NELL1: variants seen among roughly 807,000 people sequenced by gnomAD.
NELL1 encodes the protein protein kinase C-binding protein NELL1.
Under a neutral mutation model 107.4 loss-of-function variants are expected in NELL1, and 76 were observed. The observed-to-expected ratio is 0.71, with a 90% CI of 0.59 to 0.86. NELL1 has a LOEUF of 0.86. Ranked by LOEUF, NELL1 falls within the 40% of genes least tolerant of loss-of-function variation. NELL1 has a pLI of 0.00. For missense variants in NELL1, 1,024 were observed against 1,005.5 expected (o/e 1.02, Z -0.25); for synonymous variants, 353 against 341.2 (o/e 1.03, Z -0.38).
intron 14 of NELL1, among the ~76,000 whole-genome samples, chr11:21,342,636 T>G (rs1156918447): frequency 8.4e-6 from 1 of 118,914 alleles, no homozygotes; most frequent in African/African-American, 3.2e-5. Flanking sequence ...AGAGAGAGAC[T>G]GTCTTTAAAA....
chr11:21,388,769 G>A (rs982662641), intron 15 of NELL1, among the ~76,000 whole-genome samples: 1 of 151,764 alleles, frequency 6.6e-6, no homozygotes, highest in Admixed American at 6.6e-5. Context: ...ACATGTTAAG[G>A]TATGGTGTAA....
chr11:21,289,166 A>C (rs1368895940), intron 14 of NELL1, among the ~76,000 whole-genome samples: 3 of 152,190 alleles, frequency 2.0e-5, no homozygotes, highest in Non-Finnish European at 2.9e-5. Flanking sequence ...TATTGATGTG[A>C]CCATTTTTGG....
intron 14 of NELL1, among the ~76,000 whole-genome samples, chr11:21,361,259 ATTTTTTTTTT>A (rs59239329): frequency 1.8e-5 from 2 of 113,576 alleles, no homozygotes; most frequent in Non-Finnish European, 3.5e-5. Flanking sequence ...TTGTGTGACA[ATTTTTTTTTT>A]TTTTTTTTTT....
At chr11:20,937,684 A>G (rs1850755262) in intron 9 of NELL1, 102 bp from the exon 10 acceptor site, 4 of 808,422 alleles carry the variant, frequency 4.9e-6, no homozygotes, top group Non-Finnish European at 2.1e-6. Context: ...TCAGAAGCAG[A>G]GAATCTAGGT....
chr11:21,066,255 T>C (rs1025056016), intron 12 of NELL1, among the ~76,000 whole-genome samples: 4 of 152,202 alleles, frequency 2.6e-5, no homozygotes, highest in African/African-American at 9.6e-5. Context: ...TTTTCATTGC[T>C]GTGATAGAAA....
chr11:20,756,133 G>A (rs1210101808), intron 2 of NELL1, among the ~76,000 whole-genome samples: 1 of 151,734 alleles, frequency 6.6e-6, no homozygotes, highest in African/African-American at 2.4e-5. Context: ...GCCTGCCTCG[G>A]CCCCCCAAAG....
At chr11:21,343,511 T>A (rs1850621064) in intron 14 of NELL1, among the ~76,000 whole-genome samples, 1 of 152,154 alleles carries the variant, frequency 6.6e-6, no homozygotes, top group Non-Finnish European at 1.5e-5. Flanking sequence ...GATCTGATTA[T>A]CAGGAATTTA....
chr11:21,319,494 TTATA>T (rs143740709), intron 14 of NELL1, among the ~76,000 whole-genome samples: 21 of 135,580 alleles, frequency 1.5e-4, no homozygotes, highest in Non-Finnish European at 1.9e-4. Context: ...CCAGCTAAAT[TTATA>T]TATATATATA....
intron 13 of NELL1, among the ~76,000 whole-genome samples, chr11:21,217,497 C>G (rs980313325): frequency 3.9e-5 from 6 of 152,082 alleles, no homozygotes; most frequent in African/African-American, 1.4e-4. Flanking sequence ...CTGTGGCCAA[C>G]ATTGTAGCAA....
At chr11:21,315,861 TTGGTGGTGGTGGTGG>T (rs148401464) in intron 14 of NELL1, among the ~76,000 whole-genome samples, 13 of 150,886 alleles carry the variant, frequency 8.6e-5, no homozygotes. Context: ...TTTGAATGTG[TTGGTGGTGGTGGTGG>T]TGGTGGTGGT....
chr11:21,368,354 GGT>G (rs1491246074), intron 14 of NELL1, among the ~76,000 whole-genome samples: 1,607 of 49,822 alleles, frequency 0.032, 34 homozygotes, highest in African/African-American at 0.12. Flanking sequence ...TTTAGGCATT[GGT>G]TTTTTTTTTT....
chr11:21,451,235 A>AAAT (rs930468052), intron 15 of NELL1, among the ~76,000 whole-genome samples: 27 of 152,056 alleles, frequency 1.8e-4, no homozygotes, highest in African/African-American at 5.5e-4. Context: ...AAGAAAAAAG[A>AAAT]AATTGAGAGG....
intron 7 of NELL1, among the ~76,000 whole-genome samples, chr11:20,925,547 A>G (rs1410344110): frequency 6.6e-6 from 1 of 151,376 alleles, no homozygotes; most frequent in Non-Finnish European, 1.5e-5. Context: ...TGGCCTCCCA[A>G]AGTGCTGGGA....
intron 15 of NELL1, among the ~76,000 whole-genome samples, chr11:21,467,914 A>G (rs1854072886): frequency 6.6e-6 from 1 of 151,998 alleles, no homozygotes; most frequent in Non-Finnish European, 1.5e-5. Flanking sequence ...ATTTTTCTCT[A>G]AGACCCCTTG....
At chr11:21,122,972 A>ATG (rs1243682441) in intron 13 of NELL1, among the ~76,000 whole-genome samples, 13 of 152,266 alleles carry the variant, frequency 8.5e-5, no homozygotes, top group African/African-American at 3.1e-4. Flanking sequence ...GGTTATTTTC[A>ATG]GTATGATAGT....
intron 12 of NELL1, among the ~76,000 whole-genome samples, chr11:21,022,409 TA>T (rs1852722652): frequency 6.6e-6 from 1 of 152,088 alleles, no homozygotes; most frequent in Non-Finnish European, 1.5e-5. Context: ...TGTAATTGCA[TA>T]AAAGGAAATT....
intron 16 of NELL1, among the ~76,000 whole-genome samples, chr11:21,543,394 G>A (rs1251617990): frequency 6.6e-6 from 1 of 152,040 alleles, no homozygotes; most frequent in African/African-American, 2.4e-5. Context: ...GGCCTCAGTT[G>A]CATGACACAA....
intron 7 of NELL1, among the ~76,000 whole-genome samples, chr11:20,921,386 C>T (rs1026949879): frequency 7.2e-5 from 11 of 152,096 alleles, no homozygotes; most frequent in African/African-American, 2.7e-4. Flanking sequence ...CATTAGTCTG[C>T]TTTACAGATG....
intron 13 of NELL1, among the ~76,000 whole-genome samples, chr11:21,214,283 T>C (rs1351949058): frequency 1.3e-5 from 2 of 152,160 alleles, no homozygotes; most frequent in African/African-American, 4.8e-5. Context: ...TTTGGAGCAA[T>C]TCAGATTTTC....
Sources: allele counts gnomAD v4.1 joint callset (sites outside exome capture counted in the v4.1 genomes callset), GRCh38; gene constraint gnomAD v4.1.1; transcripts MANE v1.5; gene names NCBI Gene and HGNC (gene_info 2026-07-23, HGNC 2026-07-21).